The following SIPA1L2 variants were observed in gnomAD, a reference collection of about 807,000 sequenced individuals.
SIPA1L2 encodes signal-induced proliferation-associated 1-like protein 2.
In SIPA1L2, 56 loss-of-function variants were observed where a neutral mutation model predicts 163.9. The ratio of observed to expected loss-of-function variants is 0.34; its 90% CI spans 0.28 to 0.43. The LOEUF (loss-of-function observed/expected upper bound fraction) is 0.43. Ranked by LOEUF, SIPA1L2 falls within the 20% of genes least tolerant of loss-of-function variation. The pLI is 1.00. For missense variants in SIPA1L2, 1,974 were observed against 2,193.5 expected, an observed-to-expected ratio of 0.90 and a Z score of 2.00; for synonymous variants, 877 against 865.7, an observed-to-expected ratio of 1.01 and a Z score of -0.23.
At chr1:232,450,201 C>A (rs1299975746) in intron 10 of SIPA1L2, among the ~76,000 whole-genome samples, 1 of 152,170 alleles carries the variant, frequency 6.6e-6, no homozygotes, top group Non-Finnish European at 1.5e-5. Context: ...GTTTAAGTTA[C>A]TCTGGATTTA....
chr1:232,439,942 T>C (rs931269939), intron 14 of SIPA1L2, among the ~76,000 whole-genome samples: 1 of 152,198 alleles, frequency 6.6e-6, no homozygotes, highest in Admixed American at 6.5e-5. Flanking sequence ...GGTAGGACTT[T>C]CTGGTTAATC....
intron 2 of SIPA1L2, among the ~76,000 whole-genome samples, chr1:232,531,604 G>C (rs1297808975): frequency 2.0e-5 from 3 of 152,236 alleles, no homozygotes; most frequent in Admixed American, 2.0e-4. Context: ...CACAGGACAA[G>C]TATTCTGGCA....
At chr1:232,512,615 A>G (rs1359007208) in intron 3 of SIPA1L2, among the ~76,000 whole-genome samples, 2 of 152,156 alleles carry the variant, frequency 1.3e-5, no homozygotes, top group Non-Finnish European at 2.9e-5. Flanking sequence ...AAACTAACAC[A>G]GGAACAGAAA....
chr1:232,533,294 T>C (rs11589778), intron 2 of SIPA1L2, among the ~76,000 whole-genome samples: 2,153 of 152,322 alleles, frequency 0.014, 54 homozygotes, highest in African/African-American at 0.048. Context: ...CACAAGCATA[T>C]GGTATGATTA....
chr1:232,630,073 G>C lies in SIPA1L2; in HGVS notation c.-523C>G, dbSNP rs903708080. Among the ~76,000 whole-genome samples, 1 of 150,200 alleles carries C rather than the reference G, an allele frequency of 6.7e-6. No individual in the cohort carries two copies. The highest frequency in any genetic ancestry group is 6.6e-5 in the Admixed American group (1 of 15,112). On this transcript the variant is annotated 5_prime_UTR_variant, in exon 1 of 23. Coordinates refer to ENST00000674635, the MANE Select transcript of SIPA1L2 (RefSeq NM_020808.5). ...CGCTCGGGCGGCCGGCGGGGGCGCGGTGCTCCTCCTCCGTCCTCCTCCTCC... is the reference window on the plus strand; with the variant it reads ...CGCTCGGGCGGCCGGCGGGGGCGCGCTGCTCCTCCTCCGTCCTCCTCCTCC...
intron 1 of SIPA1L2, among the ~76,000 whole-genome samples, chr1:232,608,333 C>A (rs1353353774): frequency 6.6e-6 from 1 of 152,178 alleles, no homozygotes; most frequent in Non-Finnish European, 1.5e-5. Context: ...CAGGCATGAG[C>A]CACTGCACCC....
At position 232,398,705 on chromosome 1, in the gene SIPA1L2, T is replaced by G. The variant is rs1026460094; in HGVS notation, c.*422A>C. The G allele has an allele frequency of 3.1e-5, 5 of 159,914 alleles. No individual in the cohort carries two copies. Among genetic ancestry groups the G allele is most frequent in the Non-Finnish European group, 6.9e-5 (5 of 72,362 alleles). The allele number at this position is 159,914 out of a possible 1,614,324, so 9.9% of individuals were successfully genotyped here. ...TTTAACATTAAAGTATATGTCTGATTATTTGTTCTCATGTTTATTTTACAA... is the reference window on the plus strand; with the variant it reads ...TTTAACATTAAAGTATATGTCTGATGATTTGTTCTCATGTTTATTTTACAA... On this transcript the variant is annotated 3_prime_UTR_variant, in exon 23 of 23. Coordinates refer to ENST00000674635, the MANE Select transcript of SIPA1L2 (RefSeq NM_020808.5).
At chr1:232,588,955 G>A (rs1158191905) in intron 1 of SIPA1L2, among the ~76,000 whole-genome samples, 1 of 151,944 alleles carries the variant, frequency 6.6e-6, no homozygotes, top group Non-Finnish European at 1.5e-5. Flanking sequence ...TTTCTGATAT[G>A]GTAGATTATG....
intron 5 of SIPA1L2, among the ~76,000 whole-genome samples, chr1:232,488,832 TA>T (rs1300602927): frequency 6.6e-6 from 1 of 152,076 alleles, no homozygotes; most frequent in African/African-American, 2.4e-5. Flanking sequence ...CAGAAGACAA[TA>T]GGGGGCCATC....
chr1:232,588,735 A>C (rs2102822150), intron 1 of SIPA1L2, among the ~76,000 whole-genome samples: 1 of 152,368 alleles, frequency 6.6e-6, no homozygotes, highest in South Asian at 2.1e-4. Flanking sequence ...ATATCACAAC[A>C]GATTGAATGC....
chr1:232,438,976 C>T, intron 15 of SIPA1L2, 132 bp downstream of exon 15: 1 of 887,690 alleles, frequency 1.1e-6, no homozygotes, highest in Non-Finnish European at 1.6e-6. Flanking sequence ...CCTCTGATGT[C>T]AGACAGCTAG....
At chr1:232,419,165 G>A (rs961030089) in intron 18 of SIPA1L2, among the ~76,000 whole-genome samples, 9 of 152,170 alleles carry the variant, frequency 5.9e-5, no homozygotes, top group Admixed American at 1.3e-4. Flanking sequence ...TCTTAATGAA[G>A]AGCATAGTTT....
At chr1:232,507,347 G>A (rs1003825180) in intron 3 of SIPA1L2, among the ~76,000 whole-genome samples, 3 of 152,088 alleles carry the variant, frequency 2.0e-5, no homozygotes, top group Non-Finnish European at 2.9e-5. Context: ...ATTCATAGCC[G>A]GGGTACAAGC....
At chr1:232,448,476 T>C (rs1447786422) in intron 10 of SIPA1L2, among the ~76,000 whole-genome samples, 2 of 152,200 alleles carry the variant, frequency 1.3e-5, no homozygotes, top group Non-Finnish European at 2.9e-5. Context: ...CAGCATGGTA[T>C]AGTAAAAGTT....
chr1:232,603,884 T>C (rs1433793173), intron 1 of SIPA1L2, among the ~76,000 whole-genome samples: 2 of 152,128 alleles, frequency 1.3e-5, no homozygotes, highest in South Asian at 2.1e-4. Context: ...TTACCTATTT[T>C]TGACGACTAA....
intron 7 of SIPA1L2, among the ~76,000 whole-genome samples, chr1:232,471,958 A>G (rs929772191): frequency 6.6e-6 from 1 of 152,250 alleles, no homozygotes; most frequent in Admixed American, 6.5e-5. Context: ...GTGCTCCCAC[A>G]GTAAAGTAAC....
Position 232,509,049 on chromosome 1 carries a change from G to A in SIPA1L2, c.1483+4808C>T, listed in dbSNP as rs529757958. 1.8e-3 allele frequency among the ~76,000 whole-genome samples: 280 copies of A among 152,322 alleles called. 1 individual carries two copies. Among genetic ancestry groups the A allele is most frequent in the African/African-American group, 6.1e-3 (255 of 41,578 alleles). ...AGAGGTTGCAGTGAGCCAAGATTGC[G>A]CCACTGCACGCCAGCCTGGGCAACA... On this transcript the variant is annotated intron_variant, in intron 3 of 22. Transcript: ENST00000674635.
intron 8 of SIPA1L2, among the ~76,000 whole-genome samples, chr1:232,470,328 A>G (rs1379179014): frequency 6.6e-6 from 1 of 152,222 alleles, no homozygotes; most frequent in Non-Finnish European, 1.5e-5. Context: ...AACACAGCAC[A>G]GTAGAGCCAT....
intron 1 of SIPA1L2, among the ~76,000 whole-genome samples, chr1:232,575,193 G>A (rs932293190): frequency 2.0e-5 from 3 of 152,126 alleles, no homozygotes; most frequent in Admixed American, 2.0e-4. Context: ...TATAAACATG[G>A]GTTTATGAAG....
Sources: allele counts gnomAD v4.1 joint callset (sites outside exome capture counted in the v4.1 genomes callset), GRCh38; gene constraint gnomAD v4.1.1; transcripts MANE v1.5; gene names NCBI Gene and HGNC (gene_info 2026-07-23, HGNC 2026-07-21).